Variants in XYLT1 observed in about 807,000 individuals in gnomAD.
XYLT1 encodes the protein beta-D-xylosyltransferase 1.
Under a neutral mutation model 91.3 loss-of-function variants are expected in XYLT1, and 36 were observed. The ratio of observed to expected loss-of-function variants is 0.39; its 90% CI spans 0.30 to 0.52. The LOEUF is 0.52. Among genes scored for constraint, XYLT1 ranks in the 20% least tolerant of loss-of-function variants. The pLI is 0.68. For synonymous variants in XYLT1, 588 were observed against 532.0 expected (o/e 1.11, Z -1.45); for missense variants, 1,242 against 1,284.5 (o/e 0.97, Z 0.51).
At chr16:17,267,379 C>T (rs984125708) in intron 2 of XYLT1, among the ~76,000 whole-genome samples, 4 of 152,206 alleles carry the variant, frequency 2.6e-5, no homozygotes, top group African/African-American at 4.8e-5. Flanking sequence ...TTTAAGCTAG[C>T]GCCTTGTCAC....
chr16:17,347,312 T>A (rs1450994612), intron 2 of XYLT1, among the ~76,000 whole-genome samples: 1 of 152,022 alleles, frequency 6.6e-6, no homozygotes, highest in Admixed American at 6.6e-5. Flanking sequence ...CCCCCGCCTC[T>A]CCCCACCCCA....
At chr16:17,372,134 GA>G (rs2035543119) in intron 1 of XYLT1, among the ~76,000 whole-genome samples, 1 of 152,156 alleles carries the variant, frequency 6.6e-6, no homozygotes, top group African/African-American at 2.4e-5. Context: ...AGAATAACAG[GA>G]AAAACATGCA....
chr16:17,469,038 C>T (rs56399325), intron 1 of XYLT1, among the ~76,000 whole-genome samples: 1 of 152,048 alleles, frequency 6.6e-6, no homozygotes, highest in African/African-American at 2.4e-5. Flanking sequence ...CCACTATTCT[C>T]CCCGCAAATG....
At chr16:17,435,357 T>C (rs1381616375) in intron 1 of XYLT1, among the ~76,000 whole-genome samples, 1 of 152,142 alleles carries the variant, frequency 6.6e-6, no homozygotes, top group Non-Finnish European at 1.5e-5. Context: ...CATTTGGCCT[T>C]CTGGAACCTT....
At chr16:17,295,969 A>G (rs2034303191) in intron 2 of XYLT1, among the ~76,000 whole-genome samples, 1 of 152,128 alleles carries the variant, frequency 6.6e-6, no homozygotes, top group Non-Finnish European at 1.5e-5. Flanking sequence ...ACAGACTGTA[A>G]ATCTGGAGGT....
At chr16:17,355,518 G>A (rs1250650259) in intron 2 of XYLT1, 2 of 152,174 alleles carry the variant, frequency 1.3e-5, no homozygotes, top group Non-Finnish European at 2.9e-5. Flanking sequence ...GTTTCCCAAA[G>A]GGTAGCACAC....
chr16:17,254,344 C>T (rs1020243712), intron 3 of XYLT1, among the ~76,000 whole-genome samples: 4 of 152,146 alleles, frequency 2.6e-5, no homozygotes, highest in African/African-American at 9.7e-5. Context: ...ATACTTTCTC[C>T]TCCTTATGAT....
intron 1 of XYLT1, among the ~76,000 whole-genome samples, chr16:17,440,375 A>G (rs2141940825): frequency 6.6e-6 from 1 of 152,370 alleles, no homozygotes; most frequent in East Asian, 1.9e-4. Flanking sequence ...CAGGCAAACA[A>G]TAAGTGGTAA....
chr16:17,314,672 TA>T (rs1282877449), intron 2 of XYLT1, among the ~76,000 whole-genome samples: 2 of 152,092 alleles, frequency 1.3e-5, no homozygotes, highest in Non-Finnish European at 2.9e-5. Context: ...AGAAAACCAC[TA>T]CACTAGTGAG....
At chr16:17,344,422 G>A (rs1479741888) in intron 2 of XYLT1, among the ~76,000 whole-genome samples, 3 of 151,158 alleles carry the variant, frequency 2.0e-5, no homozygotes, top group African/African-American at 2.4e-5. Context: ...GAACCCGGGA[G>A]GTGGAGCTTG....
At chr16:17,404,151 G>A (rs1483610741) in intron 1 of XYLT1, among the ~76,000 whole-genome samples, 1 of 152,134 alleles carries the variant, frequency 6.6e-6, no homozygotes, top group Admixed American at 6.5e-5. Context: ...ACCCAGGAGG[G>A]ACTCAGGGCC....
intron 1 of XYLT1, among the ~76,000 whole-genome samples, chr16:17,464,572 T>G (rs1311752497): frequency 6.6e-6 from 1 of 151,088 alleles, no homozygotes; most frequent in Non-Finnish European, 1.5e-5. Flanking sequence ...TTGGCGGTAA[T>G]GAATATCCCA....
intron 1 of XYLT1, among the ~76,000 whole-genome samples, chr16:17,390,801 T>C (rs912666048): frequency 1.3e-5 from 2 of 152,128 alleles, no homozygotes; most frequent in African/African-American, 4.8e-5. Context: ...TTTGGGAGCC[T>C]GAGATTGGTG....
chr16:17,431,224 A>G (rs1339793609), intron 1 of XYLT1, among the ~76,000 whole-genome samples: 1 of 152,258 alleles, frequency 6.6e-6, no homozygotes, highest in East Asian at 1.9e-4. Flanking sequence ...AGCTGACTGG[A>G]TGTGTCCTTC....
At position 17,138,549 on chromosome 16, in the gene XYLT1, ACCCAGCCTGAGACCTCT is replaced by A. The variant is rs762567877; in HGVS notation, c.1588-35_1588-19del. 1.1e-4 allele frequency: 181 copies of A among 1,609,262 alleles called. 1 individual carries two copies. Among genetic ancestry groups the A allele is most frequent in the Middle Eastern group, 5.1e-4 (3 of 5,898 alleles). ...AAGAAGGACTGCAGGGGAGAGAGGGACCCAGCCTGAGACCTCTCCCAGCCTCCCACAGATGAACTGGG... is the reference window on the plus strand; with the variant it reads ...AAGAAGGACTGCAGGGGAGAGAGGGACCCAGCCTCCCACAGATGAACTGGG... On this transcript the variant is annotated intron_variant, in intron 7 of 11. Transcript: ENST00000261381.
At chr16:17,179,952 T>C (rs2032030247) in intron 5 of XYLT1, among the ~76,000 whole-genome samples, 1 of 152,192 alleles carries the variant, frequency 6.6e-6, no homozygotes, top group South Asian at 2.1e-4. Flanking sequence ...TCCTGACTCA[T>C]TGTTAAGGAC....
intron 3 of XYLT1, among the ~76,000 whole-genome samples, chr16:17,205,434 GC>G (rs1404396026): frequency 6.6e-6 from 1 of 152,220 alleles, no homozygotes; most frequent in Non-Finnish European, 1.5e-5. Context: ...CTGTGGTCAG[GC>G]AGATGTGAAT....
chr16:17,357,125 C>T (rs1340529746), intron 2 of XYLT1, among the ~76,000 whole-genome samples: 1 of 129,176 alleles, frequency 7.7e-6, no homozygotes, highest in African/African-American at 3.0e-5. Context: ...TGCAGTAAGC[C>T]GAGATCATGC....
At chr16:17,408,509 G>C (rs779850184) in intron 1 of XYLT1, among the ~76,000 whole-genome samples, 2 of 152,152 alleles carry the variant, frequency 1.3e-5, no homozygotes, top group Admixed American at 6.6e-5. Flanking sequence ...TTCAAGCCTC[G>C]TTGCCTAGCA....
Sources: gnomAD v4.1 joint callset for allele counts (sites outside exome capture counted in the v4.1 genomes callset) on GRCh38, gnomAD v4.1.1 for gene constraint, MANE v1.5 for transcripts, NCBI Gene and HGNC (gene_info 2026-07-23, HGNC 2026-07-21) for gene names.